MALRD1: variants seen among roughly 807,000 people sequenced by gnomAD.
MALRD1 encodes the protein MAM and LDL receptor class A domain containing 1, also known as MAM and LDL-receptor class A domain-containing protein 1.
MALRD1 carries 247 observed loss-of-function variants against 242.1 expected under a neutral mutation model. The ratio of observed to expected loss-of-function variants is 1.02; its 90% CI spans 0.92 to 1.13. MALRD1 has a LOEUF of 1.13. Among genes scored for constraint, MALRD1 ranks in the 50% most tolerant of loss-of-function variants. The pLI is 0.00. For synonymous variants in MALRD1, 995 were observed against 866.6 expected (o/e 1.15, Z -2.60); for missense variants, 2,989 against 2,533.1 (o/e 1.18, Z -3.86).
intron 26 of MALRD1, among the ~76,000 whole-genome samples, chr10:19,380,077 GA>G (rs1845774108): frequency 6.7e-6 from 1 of 150,366 alleles, no homozygotes; most frequent in South Asian, 2.1e-4. Flanking sequence ...CAGGTTCCAG[GA>G]ATTCTCCTGC....
chr10:19,483,344 G>T (rs530402916), intron 29 of MALRD1, among the ~76,000 whole-genome samples: 200 of 152,116 alleles, frequency 1.3e-3, no homozygotes, highest in Non-Finnish European at 2.0e-3. Context: ...CACAGCAAAA[G>T]AAACTATCAA....
At chr10:19,165,507 TG>T (rs1834651868) in intron 12 of MALRD1, 129 bp from the exon 13 acceptor site, 1 of 613,254 alleles carries the variant, frequency 1.6e-6, no homozygotes, top group African/African-American at 1.9e-5. Context: ...GTTTCATGCC[TG>T]TAATCCCAGC....
intron 33 of MALRD1, among the ~76,000 whole-genome samples, chr10:19,589,143 G>A (rs1837618123): frequency 1.3e-5 from 2 of 152,118 alleles, no homozygotes; most frequent in African/African-American, 2.4e-5. Flanking sequence ...ACAATGTACA[G>A]ACTGAAACAT....
intron 28 of MALRD1, among the ~76,000 whole-genome samples, chr10:19,404,123 A>G: frequency 6.6e-6 from 1 of 152,112 alleles, no homozygotes; most frequent in East Asian, 1.9e-4. Flanking sequence ...TTCCATTTGA[A>G]CACAAAATAC....
intron 32 of MALRD1, among the ~76,000 whole-genome samples, chr10:19,547,818 ATTTTTTTTT>A (rs869038128): frequency 5.4e-3 from 91 of 16,880 alleles, no homozygotes; most frequent in Admixed American, 7.5e-3. Context: ...ATATATATAT[ATTTTTTTTT>A]TTTTTTTTTT....
chr10:19,366,639 A>G (rs1845123682), intron 26 of MALRD1, among the ~76,000 whole-genome samples: 1 of 152,156 alleles, frequency 6.6e-6, no homozygotes, highest in African/African-American at 2.4e-5. Flanking sequence ...ATTTTATTGT[A>G]TGACTATTTC....
At chr10:19,706,001 G>A (rs997650097) in intron 38 of MALRD1, among the ~76,000 whole-genome samples, 1 of 152,030 alleles carries the variant, frequency 6.6e-6, no homozygotes, top group Non-Finnish European at 1.5e-5. Flanking sequence ...ACTGGATACT[G>A]AAGAGCCAGC....
chr10:19,412,005 TAAG>T (rs1442489742), intron 28 of MALRD1, among the ~76,000 whole-genome samples: 1 of 152,182 alleles, frequency 6.6e-6, no homozygotes, highest in African/African-American at 2.4e-5. Flanking sequence ...GTAATGGTAT[TAAG>T]AAGTTTATGG....
intron 36 of MALRD1, among the ~76,000 whole-genome samples, chr10:19,625,235 A>G (rs1476443096): frequency 1.3e-5 from 2 of 152,152 alleles, no homozygotes; most frequent in African/African-American, 4.8e-5. Context: ...ATGATTCTAG[A>G]GTTCCATGAT....
intron 21 of MALRD1, among the ~76,000 whole-genome samples, chr10:19,299,597 A>C (rs1475127070): frequency 2.0e-5 from 3 of 152,042 alleles, no homozygotes; most frequent in African/African-American, 7.2e-5. Context: ...GTGATTCAGC[A>C]TATAAACAGA....
At chr10:19,294,470 A>G (rs549279480) in intron 21 of MALRD1, among the ~76,000 whole-genome samples, 3 of 152,326 alleles carry the variant, frequency 2.0e-5, no homozygotes, top group African/African-American at 7.2e-5. Flanking sequence ...TGCCTAAAAG[A>G]TTCATAGATT....
intron 2 of MALRD1, among the ~76,000 whole-genome samples, chr10:19,069,230 C>A (rs1365729658): frequency 6.6e-6 from 1 of 151,942 alleles, no homozygotes; most frequent in African/African-American, 2.4e-5. Context: ...CATTTAAAAT[C>A]AGTTTTAAAT....
intron 36 of MALRD1, among the ~76,000 whole-genome samples, chr10:19,648,325 G>T (rs979424769): frequency 2.1e-4 from 32 of 152,140 alleles, no homozygotes; most frequent in African/African-American, 7.2e-4. Flanking sequence ...TTTAGATTAA[G>T]AATCACACCC....
At chr10:19,609,178 A>G (rs780605768) in intron 35 of MALRD1, among the ~76,000 whole-genome samples, 1 of 152,110 alleles carries the variant, frequency 6.6e-6, no homozygotes, top group Non-Finnish European at 1.5e-5. Context: ...AGGTAGTGCT[A>G]TAGAACACAT....
chr10:19,174,845 A>G (rs1447173784), intron 13 of MALRD1, among the ~76,000 whole-genome samples: 1 of 152,168 alleles, frequency 6.6e-6, no homozygotes, highest in East Asian at 1.9e-4. Flanking sequence ...CACACTGATT[A>G]CAAATCAATT....
At chr10:19,210,210 A>T (rs923310360) in intron 18 of MALRD1, among the ~76,000 whole-genome samples, 2 of 152,206 alleles carry the variant, frequency 1.3e-5, no homozygotes, top group African/African-American at 4.8e-5. Flanking sequence ...AGTCAGTCTT[A>T]TTCTAGCAAG....
intron 8 of MALRD1, among the ~76,000 whole-genome samples, chr10:19,129,889 A>T (rs1231632438): frequency 6.7e-6 from 1 of 150,336 alleles, no homozygotes; most frequent in Admixed American, 6.7e-5. Flanking sequence ...ATATATAGAT[A>T]AATATGGATG....
At chr10:19,461,845 T>C (rs769904995) in intron 29 of MALRD1, among the ~76,000 whole-genome samples, 2 of 152,106 alleles carry the variant, frequency 1.3e-5, no homozygotes, top group Non-Finnish European at 2.9e-5. Flanking sequence ...GTGTTTCAGC[T>C]CATCTATTTA....
intron 2 of MALRD1, among the ~76,000 whole-genome samples, chr10:19,067,645 T>C (rs1835021201): frequency 6.6e-6 from 1 of 152,132 alleles, no homozygotes; most frequent in African/African-American, 2.4e-5. Context: ...CACATGCAGA[T>C]TAGACTCCCT....
Sources: allele counts gnomAD v4.1 joint callset (sites outside exome capture counted in the v4.1 genomes callset), GRCh38; gene constraint gnomAD v4.1.1; transcripts MANE v1.5; gene names NCBI Gene and HGNC (gene_info 2026-07-23, HGNC 2026-07-21).